Variants in FBXL7 observed in about 807,000 individuals in gnomAD.
The protein encoded by FBXL7 is F-box and leucine rich repeat protein 7, also known as F-box/LRR-repeat protein 7.
FBXL7 carries 12 observed loss-of-function variants against 38.3 expected under a neutral mutation model. The ratio of observed to expected loss-of-function variants is 0.31; its 90% CI spans 0.20 to 0.51. The LOEUF (loss-of-function observed/expected upper bound fraction) is 0.51, where lower values mean the gene tolerates loss of function less well. Among genes scored for constraint, FBXL7 ranks in the 20% least tolerant of loss-of-function variants. The probability of loss-of-function intolerance (pLI) is 0.98; values close to 1 mark genes in which losing one functional copy is unlikely to be tolerated. For missense variants in FBXL7, 567 were observed against 676.4 expected (o/e 0.84, Z 1.79); for synonymous variants, 297 against 300.9 (o/e 0.99, Z 0.13).
chr5:15,550,392 C>T (rs904434642), intron 1 of FBXL7, among the ~76,000 whole-genome samples: 6 of 152,042 alleles, frequency 3.9e-5, no homozygotes, highest in Non-Finnish European at 7.4e-5. Flanking sequence ...TGATGGGTGA[C>T]AAGGAACCAT....
chr5:15,784,273 G>A (rs1352889042), intron 2 of FBXL7, among the ~76,000 whole-genome samples: 1 of 152,092 alleles, frequency 6.6e-6, no homozygotes, highest in Non-Finnish European at 1.5e-5. Context: ...AATTAGCCCT[G>A]TAGGTCCTCT....
At chr5:15,824,231 G>C (rs1367679332) in intron 2 of FBXL7, among the ~76,000 whole-genome samples, 1 of 151,622 alleles carries the variant, frequency 6.6e-6, no homozygotes, top group Non-Finnish European at 1.5e-5. Context: ...GGGAGGAGGA[G>C]GTTGCAGTGG....
intron 2 of FBXL7, among the ~76,000 whole-genome samples, chr5:15,895,216 A>T (rs2126396112): frequency 1.3e-5 from 2 of 152,374 alleles, no homozygotes; most frequent in Middle Eastern, 6.8e-3. Context: ...TCAAAAAGTT[A>T]AAATGATTAC....
chr5:15,576,165 C>A (rs1471991824), intron 1 of FBXL7, among the ~76,000 whole-genome samples: 1 of 150,318 alleles, frequency 6.7e-6, no homozygotes, highest in African/African-American at 2.5e-5. Context: ...TCACTGCAAC[C>A]TCCACCTCCT....
Position 15,676,089 on chromosome 5 carries a change from A to G in FBXL7, c.127+60017A>G, listed in dbSNP as rs542156299. Among the ~76,000 whole-genome samples, 79 of 152,238 alleles carry G rather than the reference A, an allele frequency of 5.2e-4. 1 individual carries two copies. Among genetic ancestry groups the G allele is most frequent in the African/African-American group, 1.8e-3 (74 of 41,542 alleles). On this transcript the variant is annotated intron_variant, in intron 2 of 3. Coordinates refer to ENST00000504595, the MANE Select transcript of FBXL7 (RefSeq NM_012304.5). ...TCCTGGATCTCCTCTCCCGATCTGG[A>G]ATTAAACTGCCCTGCTTAGGCCTCA...
At chr5:15,902,251 A>G (rs1015506195) in intron 2 of FBXL7, among the ~76,000 whole-genome samples, 3 of 152,148 alleles carry the variant, frequency 2.0e-5, no homozygotes, top group Non-Finnish European at 4.4e-5. Flanking sequence ...CGGAGTTATT[A>G]GTTTGTTTCC....
chr5:15,619,184 G>C (rs999373290), intron 2 of FBXL7, among the ~76,000 whole-genome samples: 6 of 152,108 alleles, frequency 3.9e-5, no homozygotes, highest in Non-Finnish European at 7.4e-5. Flanking sequence ...TTTTTCCCCG[G>C]TGGCATGGAA....
intron 2 of FBXL7, among the ~76,000 whole-genome samples, chr5:15,683,150 C>T (rs1742903851): frequency 3.3e-5 from 5 of 152,224 alleles, no homozygotes; most frequent in Middle Eastern, 3.4e-3. Flanking sequence ...ACCACAGCTT[C>T]GGGGCAACTA....
intron 2 of FBXL7, among the ~76,000 whole-genome samples, chr5:15,752,220 C>T (rs149615878): frequency 2.3e-4 from 35 of 152,032 alleles, no homozygotes; most frequent in African/African-American, 8.0e-4. Context: ...CATATACCTA[C>T]GTAACAAAAC....
intron 1 of FBXL7, among the ~76,000 whole-genome samples, chr5:15,525,610 G>C (rs1043661589): frequency 9.9e-5 from 15 of 152,158 alleles, no homozygotes; most frequent in Middle Eastern, 3.4e-3. Flanking sequence ...GTGTGTGTGT[G>C]GGGGGTGGGG....
chr5:15,541,443 G>GTGTATATATATATATATA (rs1264820921), intron 1 of FBXL7, among the ~76,000 whole-genome samples: 2 of 38,442 alleles, frequency 5.2e-5, no homozygotes, highest in African/African-American at 9.4e-5. Flanking sequence ...GTGTGTGTGT[G>GTGTATATATATATATATA]TATATATATA....
chr5:15,581,102 A>G (rs775645252), intron 1 of FBXL7, among the ~76,000 whole-genome samples: 20 of 152,164 alleles, frequency 1.3e-4, no homozygotes, highest in Non-Finnish European at 2.4e-4. Context: ...TGAACAGTTC[A>G]CAAAAGTCAT....
chr5:15,840,195 A>T (rs927195567), intron 2 of FBXL7, among the ~76,000 whole-genome samples: 1 of 152,208 alleles, frequency 6.6e-6, no homozygotes, highest in Non-Finnish European at 1.5e-5. Flanking sequence ...AGAAGACCTC[A>T]GGCTGCAAAG....
chr5:15,615,689 C>T (rs778553526), intron 1 of FBXL7, among the ~76,000 whole-genome samples: 1 of 152,112 alleles, frequency 6.6e-6, no homozygotes, highest in Non-Finnish European at 1.5e-5. Context: ...TTCTTATTCA[C>T]ATTTATGCCA....
chr5:15,834,549 T>C (rs1347383108), intron 2 of FBXL7, among the ~76,000 whole-genome samples: 1 of 152,188 alleles, frequency 6.6e-6, no homozygotes, highest in Non-Finnish European at 1.5e-5. Context: ...TGGATCTCCA[T>C]CTTCCATGAA....
intron 2 of FBXL7, among the ~76,000 whole-genome samples, chr5:15,698,910 G>A (rs925387376): frequency 6.6e-6 from 1 of 152,198 alleles, no homozygotes; most frequent in African/African-American, 2.4e-5. Flanking sequence ...TCTTAGCTAT[G>A]CAGATGCTCA....
chr5:15,896,270 C>A (rs900922983), intron 2 of FBXL7, among the ~76,000 whole-genome samples: 3 of 152,162 alleles, frequency 2.0e-5, no homozygotes, highest in Non-Finnish European at 2.9e-5. Flanking sequence ...AAGTGATCCA[C>A]CCACCTCGTC....
At chr5:15,615,051 T>C (rs944614514) in intron 1 of FBXL7, among the ~76,000 whole-genome samples, 1 of 152,144 alleles carries the variant, frequency 6.6e-6, no homozygotes, top group Non-Finnish European at 1.5e-5. Context: ...GATGCGGACA[T>C]GGATACCATG....
At chr5:15,897,709 G>T (rs966554564) in intron 2 of FBXL7, among the ~76,000 whole-genome samples, 1 of 152,196 alleles carries the variant, frequency 6.6e-6, no homozygotes, top group African/African-American at 2.4e-5. Flanking sequence ...AGTCAGAAAG[G>T]TATAGGAGAA....
Sources: allele counts gnomAD v4.1 joint callset (sites outside exome capture counted in the v4.1 genomes callset), GRCh38; gene constraint gnomAD v4.1.1; transcripts MANE v1.5; gene names NCBI Gene and HGNC (gene_info 2026-07-23, HGNC 2026-07-21).